CBR1: variants seen among roughly 807,000 people sequenced by gnomAD.
CBR1 encodes the protein carbonyl reductase [NADPH] 1.
In CBR1, 11 loss-of-function variants were observed where a neutral mutation model predicts 10.6. The ratio of observed to expected loss-of-function variants is 1.03; its 90% confidence interval spans 0.65 to 1.71. CBR1 has a LOEUF of 1.71. Among genes scored for constraint, CBR1 ranks in the 40% most tolerant of loss-of-function variants. The probability of loss-of-function intolerance (pLI) is 0.00; values close to 1 mark genes in which losing one functional copy is unlikely to be tolerated. For synonymous variants in CBR1, 158 were observed against 156.7 expected, an observed-to-expected ratio of 1.01 and a Z score of -0.06; for missense variants, 361 against 368.6, an observed-to-expected ratio of 0.98 and a Z score of 0.17.
Position 36,072,908 on chromosome 21 carries a change from G to C in CBR1, c.*26G>C. On this transcript the variant is annotated 3_prime_UTR_variant, in exon 3 of 3. Coordinates refer to ENST00000290349, the MANE Select transcript of CBR1 (RefSeq NM_001757.4). ...GCTGGGCTCACAGCTCCATCCATGG[G>C]CCCCATTTTGTACCTTGTCCTGAGT... 6.5e-7 allele frequency: 1 copy of C among 1,537,406 alleles called. No homozygotes were observed. The highest frequency in any genetic ancestry group is 8.9e-7 in the Non-Finnish European group (1 of 1,123,404).
chr21:36,071,153 T>C lies in CBR1; in HGVS notation c.397+96T>C, dbSNP rs751141827. On this transcript the variant is annotated intron_variant, in intron 2 of 2. Coordinates refer to ENST00000290349, the MANE Select transcript of CBR1 (RefSeq NM_001757.4). ...CCTGCAGGCTCCTGCTTCCTCTCCA[T>C]GCTGCACGTGCACTGACCTCTGTGC... 5 of 828,748 alleles carry C rather than the reference T, an allele frequency of 6.0e-6. No individual in the cohort carries two copies. In the East Asian group the frequency reaches 7.5e-5, roughly 12 times the overall value. 51.3% of individuals were successfully genotyped at this position (828,748 alleles called of 1,614,324 possible).
intron 1 of CBR1, 28 bp from the exon 2 acceptor site, chr21:36,070,922 T>TA: frequency 7.0e-7 from 1 of 1,420,830 alleles, no homozygotes. Context: ...TACAATGTAT[T>TA]AACTATGTTC....
At position 36,070,227 on chromosome 21, in the gene CBR1, C is replaced by A; in HGVS notation, c.112C>A (p.Arg38=). ...LFSGDVVLTA[R]DVTRGQAAVQ... ...CTCGGGGGACGTGGTGCTCACGGCG[C>A]GGGACGTGACGCGGGGCCAGGCGGC... is the stretch of plus-strand genomic sequence containing the variant. Residue 38 remains arginine, a synonymous_variant, in exon 1 of 3, where the codon CGG becomes AGG. Transcript: ENST00000290349. 6.2e-7 allele frequency: 1 copy of A among 1,609,516 alleles called. No homozygotes were observed.
At chr21:36,072,408 G>GCA in intron 2 of CBR1, 38 bp from the exon 3 acceptor site, 1 of 1,613,958 alleles carries the variant, frequency 6.2e-7, no homozygotes, top group Non-Finnish European at 8.5e-7. Context: ...CGGGATTGTT[G>GCA]CACACCTTTC....
chr21:36,072,200 A>G, intron 2 of CBR1: 1 of 1,550,590 alleles, frequency 6.4e-7, no homozygotes, highest in South Asian at 1.2e-5. Context: ...GCTCTGGTTC[A>G]CCAGGACCTC....
At chr21:36,071,879 C>T (rs1201719428) in intron 2 of CBR1, 2 of 1,536,000 alleles carry the variant, frequency 1.3e-6, no homozygotes, top group Non-Finnish European at 1.7e-6. Context: ...AGTCCAAGCC[C>T]TTAGCATGGT....
In CBR1 at chr21:36,072,489, TA is replaced by T. The variant is rs1473680904; in HGVS notation, c.445del (p.Ser149AlafsTer24). The T allele has an allele frequency of 6.2e-7, 1 of 1,613,422 alleles. No homozygotes were observed. The highest frequency in any genetic ancestry group is 1.3e-5 in the African/African-American group (1 of 74,832). On this transcript the variant is annotated frameshift_variant, in exon 3 of 3. Transcript: ENST00000290349. LOFTEE classifies it low-confidence loss of function (END_TRUNC). The stretch of plus-strand genomic sequence containing the variant: ...CTAGCATCATGAGCGTCAGAGCCCT[TA>T]AAAGCTGCAGCCCAGAGCTGCAGCA... Reference protein sequence around the residue: ...VSSIMSVRALKSCSPELQQKF... With the variant: ...VSSIMSVRALXSCSPELQQKF...
In CBR1 at chr21:36,071,050, ACC is replaced by A. The variant is rs775491534; in HGVS notation, c.393_394del (p.Gln132ArgfsTer8). Reference protein sequence around the residue: ...VCTELLPLIKPQGRVVNVSSI... With the variant: ...VCTELLPLIKXQGRVVNVSSI... ...GCACAGAATTACTCCCTCTAATAAA[ACC>A]CCAAGGTGAGTCTGATGGGAAACAG... On this transcript the variant is annotated frameshift_variant, in exon 2 of 3. Coordinates refer to ENST00000290349, the MANE Select transcript of CBR1 (RefSeq NM_001757.4). LOFTEE classifies it low-confidence loss of function (END_TRUNC). The A allele has an allele frequency of 6.2e-7, 1 of 1,605,368 alleles. No individual in the cohort carries two copies.
At position 36,071,285 on chromosome 21, in the gene CBR1, C is replaced by T. The variant is rs184719814; in HGVS notation, c.397+228C>T. ...CCCTGTCGCACTGGTCTTTGCACAC[C>T]TGGCTGACTCTCATCCTTCAGGTCT... On this transcript the variant is annotated intron_variant, in intron 2 of 2. Transcript: ENST00000290349. The T allele has an allele frequency of 2.2e-5, 15 of 672,194 alleles. No homozygotes were observed. The African/African-American group carries it at 2.3e-4, about 10-fold the overall frequency. 41.6% of individuals were successfully genotyped at this position (672,194 alleles called of 1,614,324 possible). A position where few individuals can be genotyped will look rare whatever the true frequency, so the allele number is the denominator to read the frequency against.
At chr21:36,071,698 C>T in intron 2 of CBR1, 1 of 679,052 alleles carries the variant, frequency 1.5e-6, no homozygotes, top group Non-Finnish European at 2.5e-6. Flanking sequence ...CCACTGAGTT[C>T]CTCCTGAATC....
In CBR1 at chr21:36,071,064, C is replaced by A; in HGVS notation, c.397+7C>A. 6.4e-7 allele frequency: 1 copy of A among 1,570,680 alleles called. No homozygotes were observed. On this transcript the variant is annotated splice_region_variant and intron_variant, in intron 2 of 2. Transcript: ENST00000290349. ...CCTCTAATAAAACCCCAAGGTGAGT[C>A]TGATGGGAAACAGCGCACCTTCTCT...
chr21:36,070,071 C>G lies in CBR1; in HGVS notation c.-45C>G. ...ACGCTGCGGGGCTCCCGGGCCTGAG[C>G]CAGGTCTGTTCTCCACGCAGGTGTT... On this transcript the variant is annotated 5_prime_UTR_variant, in exon 1 of 3. Transcript: ENST00000290349. 6.9e-7 allele frequency: 1 copy of G among 1,452,930 alleles called. No individual in the cohort carries two copies. The highest frequency in any genetic ancestry group is 9.1e-7 in the Non-Finnish European group (1 of 1,099,364). 90.0% of individuals were successfully genotyped at this position (1,452,930 alleles called of 1,614,324 possible).
intron 1 of CBR1, 139 bp downstream of exon 1, chr21:36,070,543 TGA>T: frequency 6.0e-6 from 5 of 835,654 alleles, no homozygotes; most frequent in South Asian, 2.2e-5. Context: ...TTGGAGAAAG[TGA>T]GAGTTTTCCA....
intron 2 of CBR1, chr21:36,071,843 C>T (rs2065353955): frequency 6.5e-7 from 1 of 1,535,754 alleles, no homozygotes; most frequent in Non-Finnish European, 8.7e-7. Flanking sequence ...CATGGTCATG[C>T]CTCTCCCAAA....
At chr21:36,071,837 G>A (rs959564148) in intron 2 of CBR1, 1 of 1,535,860 alleles carries the variant, frequency 6.5e-7, no homozygotes, top group Non-Finnish European at 8.7e-7. Flanking sequence ...TGTCTGCATG[G>A]TCATGCCTCT....
At chr21:36,070,776 A>T (rs1371504949) in intron 1 of CBR1, among the ~76,000 whole-genome samples, 174 bp from the exon 2 acceptor site, 1 of 151,882 alleles carries the variant, frequency 6.6e-6, no homozygotes, top group Admixed American at 6.6e-5. Context: ...AAATACTAGA[A>T]CATGATCAAA....
rs1429068762 is a variant in CBR1, at chr21:36,070,147, C to T, written c.32C>T (p.Thr11Ile). The part of the protein sequence containing the change: MSSGIHVALV[T>I]GGNKGIGLAI... ...TCCGGCATCCATGTAGCGCTGGTGA[C>T]TGGAGGCAACAAGGGCATCGGCTTG... The change falls in exon 1 of 3, where the codon ACT (threonine) becomes ATT (isoleucine). Residue 11 changes from threonine (T) to isoleucine (I), a missense_variant. Transcript: ENST00000290349. The T allele has an allele frequency of 3.8e-6, 6 of 1,568,236 alleles. No individual in the cohort carries two copies. Among genetic ancestry groups the T allele is most frequent in the Non-Finnish European group, 5.2e-6 (6 of 1,157,832 alleles).
chr21:36,070,853 G>GTTTTTGTTTTTTT (rs1568956922), intron 1 of CBR1, 97 bp from the exon 2 acceptor site: 9 of 509,432 alleles, frequency 1.8e-5, no homozygotes, highest in South Asian at 9.1e-5. Flanking sequence ...AGGGCACTAA[G>GTTTTTGTTTTTTT]TTTTTTTTTT....
At chr21:36,071,415 G>T (rs2065351422) in intron 2 of CBR1, 2 of 592,392 alleles carry the variant, frequency 3.4e-6, no homozygotes, top group Admixed American at 5.9e-5. Flanking sequence ...ATCTTATTCA[G>T]GCTGGTGGAG....
Sources: allele counts gnomAD v4.1 joint callset (sites outside exome capture counted in the v4.1 genomes callset), GRCh38; gene constraint gnomAD v4.1.1; transcripts MANE v1.5; gene names NCBI Gene and HGNC (gene_info 2026-07-23, HGNC 2026-07-21).